The following CPZ variants were observed in gnomAD, a reference collection of about 807,000 sequenced individuals.
The protein encoded by CPZ is carboxypeptidase Z, also known as VEZT/CPZ fusion.
CPZ carries 103 observed loss-of-function variants against 61.8 expected under a neutral mutation model. The ratio of observed to expected loss-of-function variants is 1.67; its 90% CI spans 1.42 to 1.96. The LOEUF is 1.96. CPZ is among the 30% of genes most tolerant of loss of function. The pLI, the probability that CPZ is intolerant of heterozygous loss-of-function variation, is 0.00. For missense variants in CPZ, 1,461 were observed against 914.9 expected (o/e 1.60, Z -7.70); for synonymous variants, 551 against 373.7 (o/e 1.47, Z -5.47).
At chr4:8,608,778 G>A (rs1366725115) in intron 7 of CPZ, among the ~76,000 whole-genome samples, 1 of 138,634 alleles carries the variant, frequency 7.2e-6, no homozygotes, top group African/African-American at 2.5e-5. Context: ...GAGATTTCCA[G>A]CTGCAGGGCA....
At position 8,619,398 on chromosome 4, in the gene CPZ, T is replaced by G; in HGVS notation, c.1740T>G (p.Ile580Met). The G allele has an allele frequency of 6.2e-7, 1 of 1,614,198 alleles. No homozygotes were observed. Among genetic ancestry groups the G allele is most frequent in the Non-Finnish European group, 8.5e-7 (1 of 1,180,012 alleles). ...RMKRAGRVDFILQPLGMGPKN... is the reference protein window; with the variant it reads ...RMKRAGRVDFMLQPLGMGPKN... ...AGAGGGCTGGCCGTGTGGACTTCATTCTGCAACCTCTGGGGATGGGACCCA... is the reference window on the plus strand; with the variant it reads ...AGAGGGCTGGCCGTGTGGACTTCATGCTGCAACCTCTGGGGATGGGACCCA... Residue 580 changes from isoleucine to methionine, a missense_variant, in exon 11 of 11, where the codon ATT becomes ATG. Physicochemically the swap from Ile to Met is conservative, Grantham distance 10 (BLOSUM62 1). Coordinates refer to ENST00000360986, the MANE Select transcript of CPZ (RefSeq NM_001014447.3).
At chr4:8,610,255 C>G (rs1353568905) in intron 7 of CPZ, among the ~76,000 whole-genome samples, 1 of 152,224 alleles carries the variant, frequency 6.6e-6, no homozygotes. Flanking sequence ...GTGCGCCCAG[C>G]CTCTGGACCG....
intron 3 of CPZ, chr4:8,601,873 C>T (rs142033504): frequency 8.4e-4 from 161 of 190,716 alleles, no homozygotes; most frequent in African/African-American, 3.2e-3. Context: ...GGGGTCCAGT[C>T]CTCAGCCACA....
chr4:8,611,578 A>T (rs1422591739), intron 7 of CPZ, among the ~76,000 whole-genome samples: 1 of 152,156 alleles, frequency 6.6e-6, no homozygotes, highest in African/African-American at 2.4e-5. Context: ...GGAATGAAGC[A>T]GTGATTATTC....
Position 8,619,332 on chromosome 4 carries a change from C to A in CPZ, c.1674C>A (p.Tyr558Ter). 4 of 1,614,136 alleles carry A rather than the reference C, an allele frequency of 2.5e-6. No homozygotes were observed. Among genetic ancestry groups the A allele is most frequent in the Non-Finnish European group, 3.4e-6 (4 of 1,179,996 alleles). Reference sequence around the variant, plus strand: ...TTGTCATTGCCCAAGCCCCTGGCTACGCCAAAGTCATCAAGAAAGTCATCA... The same window carrying A: ...TTGTCATTGCCCAAGCCCCTGGCTAAGCCAAAGTCATCAAGAAAGTCATCA... ...IHIVIAQAPG[Y>*]AKVIKKVIIP... is the part of the protein sequence containing the mutation. Residue 558 changes from tyrosine (Y) to a stop codon, truncating the protein, a stop_gained, in exon 11 of 11, where the codon TAC becomes TAA. Coordinates refer to ENST00000360986, the MANE Select transcript of CPZ (RefSeq NM_001014447.3). LOFTEE classifies it low-confidence loss of function (END_TRUNC).
chr4:8,609,226 AC>A (rs1715402704), intron 7 of CPZ, among the ~76,000 whole-genome samples: 1 of 23,070 alleles, frequency 4.3e-5, no homozygotes, highest in African/African-American at 2.0e-4. Flanking sequence ...TCACTTACTC[AC>A]TCATTGTCAC....
intron 8 of CPZ, 42 bp from the exon 9 acceptor site, chr4:8,614,317 G>A (rs1327770165): frequency 6.3e-7 from 1 of 1,593,910 alleles, no homozygotes; most frequent in Admixed American, 1.7e-5. Context: ...CTGTCTCTGT[G>A]CGGCTGACAC....
intron 1 of CPZ, among the ~76,000 whole-genome samples, chr4:8,597,088 A>T (rs943054577): frequency 1.3e-5 from 2 of 152,138 alleles, no homozygotes; most frequent in Non-Finnish European, 2.9e-5. Flanking sequence ...CCTTGAGCTG[A>T]CTGTGCTGTA....
At chr4:8,599,207 A>C (rs115236431) in intron 1 of CPZ, among the ~76,000 whole-genome samples, 1,819 of 152,300 alleles carry the variant, frequency 0.012, 20 homozygotes, top group Admixed American at 0.027. Context: ...GATGCCACTG[A>C]CGCCTGCTGC....
intron 9 of CPZ, 186 bp from the exon 10 acceptor site, chr4:8,618,241 CTG>C: frequency 3.3e-6 from 2 of 601,430 alleles, no homozygotes; most frequent in South Asian, 3.9e-5. Flanking sequence ...AGGGAGGAAA[CTG>C]AGGCCCAGAG....
Position 8,607,467 on chromosome 4 carries a change from T to G in CPZ, c.1227+42T>G, listed in dbSNP as rs776059080. 3 of 1,599,912 alleles carry G rather than the reference T, an allele frequency of 1.9e-6. No homozygotes were observed. In the African/African-American group the frequency reaches 4.0e-5, roughly 21 times the overall value. On this transcript the variant is annotated intron_variant, in intron 7 of 10. Coordinates refer to ENST00000360986, the MANE Select transcript of CPZ (RefSeq NM_001014447.3). ...GTGTGTGCAGGGGAGGGAGACAGTG[T>G]GCGCGGTCCCCTTGGAGCTGGTGCC...
At chr4:8,615,382 G>A (rs544755646) in intron 9 of CPZ, among the ~76,000 whole-genome samples, 27 of 152,338 alleles carry the variant, frequency 1.8e-4, no homozygotes, top group African/African-American at 6.3e-4. Flanking sequence ...ATGTCACAGG[G>A]AAGGCAGCCT....
chr4:8,593,179 C>T (rs1277949787), intron 1 of CPZ, among the ~76,000 whole-genome samples: 2 of 152,164 alleles, frequency 1.3e-5, no homozygotes, highest in South Asian at 2.1e-4. Context: ...ACGCCTGGGC[C>T]GGGGGGTGAG....
At chr4:8,611,067 T>TTCACTCATTCATTCGCTCATTCAC (rs1205203952) in intron 7 of CPZ, 106 of 360,590 alleles carry the variant, frequency 2.9e-4, no homozygotes, top group Middle Eastern at 2.7e-3. Context: ...CACTCACTCA[T>TTCACTCATTCATTCGCTCATTCAC]TCACTCATTC....
chr4:8,615,371 G>T (rs577702076), intron 9 of CPZ, among the ~76,000 whole-genome samples: 1 of 152,332 alleles, frequency 6.6e-6, no homozygotes, highest in South Asian at 2.1e-4. Flanking sequence ...AAGGGTCCAG[G>T]ATGTCACAGG....
In CPZ at chr4:8,606,159, G is replaced by C; in HGVS notation, c.880G>C (p.Asp294His). The change falls in exon 5 of 11, where the codon GAC becomes CAC. Residue 294 changes from aspartate (D) to histidine (H), a missense_variant. Transcript: ENST00000360986. ...RIHLLPSMNP[D>H]GYEVAAAEGA... ...CCACCTGCTGCCCTCCATGAACCCT[G>C]ACGGCTATGAGGTGGCAGCTGCCGA... 6.2e-7 allele frequency: 1 copy of C among 1,614,076 alleles called. No individual in the cohort carries two copies.
intron 4 of CPZ, among the ~76,000 whole-genome samples, chr4:8,604,740 C>T (rs541915691): frequency 3.2e-4 from 48 of 152,354 alleles, no homozygotes; most frequent in African/African-American, 1.1e-3. Context: ...AGCTCGGCCT[C>T]CCCACTCAAA....
chr4:8,608,750 G>T (rs1715270485), intron 7 of CPZ, among the ~76,000 whole-genome samples: 1 of 151,708 alleles, frequency 6.6e-6, no homozygotes, highest in Admixed American at 6.6e-5. Flanking sequence ...TTCCCAAAAG[G>T]TCTCCACAGG....
intron 10 of CPZ, among the ~76,000 whole-genome samples, chr4:8,618,808 G>T (rs1055373559): frequency 1.3e-5 from 2 of 152,168 alleles, no homozygotes; most frequent in Non-Finnish European, 2.9e-5. Context: ...AACATTGCCG[G>T]GGAGAGCCAC....
Sources: allele counts gnomAD v4.1 joint callset (sites outside exome capture counted in the v4.1 genomes callset), GRCh38; gene constraint gnomAD v4.1.1; transcripts MANE v1.5; gene names NCBI Gene and HGNC (gene_info 2026-07-23, HGNC 2026-07-21).